NRXN3: variants seen among roughly 807,000 people sequenced by gnomAD.
The protein encoded by NRXN3 is neurexin III.
NRXN3 carries 32 observed loss-of-function variants against 137.6 expected under a neutral mutation model. That is an observed-to-expected ratio of 0.23 (90% CI 0.18 to 0.31). The LOEUF (loss-of-function observed/expected upper bound fraction) is 0.31. NRXN3 is among the 10% of genes least tolerant of loss of function. The probability of loss-of-function intolerance (pLI) is 1.00; values close to 1 mark genes in which losing one functional copy is unlikely to be tolerated. For missense variants in NRXN3, 1,574 were observed against 2,062.5 expected (o/e 0.76, Z 4.59); for synonymous variants, 798 against 784.5 (o/e 1.02, Z -0.29).
At position 78,408,551 on chromosome 14, in the gene NRXN3, A is replaced by G. The variant is rs76967920; in HGVS notation, c.757+110691A>G. ...CTTGCAACAAATTTTCCTTTACAAT[A>G]TCTTTACTCAGGGTGCCTTTCCTCT... On this transcript the variant is annotated intron_variant, in intron 4 of 20. Transcript: ENST00000335750. 5.0e-3 allele frequency among the ~76,000 whole-genome samples: 759 copies of G among 152,252 alleles called. 35 individuals are homozygous for G. The East Asian group carries it at 0.08, about 16-fold the overall frequency.
At chr14:79,773,553 T>A (rs2099086479) in intron 19 of NRXN3, among the ~76,000 whole-genome samples, 1 of 143,760 alleles carries the variant, frequency 7.0e-6, no homozygotes, top group South Asian at 2.2e-4. Flanking sequence ...CCGCATATTC[T>A]CACTCATAGG....
intron 4 of NRXN3, among the ~76,000 whole-genome samples, chr14:78,618,593 T>C (rs2097369094): frequency 6.6e-6 from 1 of 152,190 alleles, no homozygotes; most frequent in African/African-American, 2.4e-5. Context: ...ACGCTGAGCA[T>C]CAGGGCTGGA....
In NRXN3 at chr14:79,645,671, G is replaced by A. The variant is rs915966858; in HGVS notation, c.3445-18107G>A. Among the ~76,000 whole-genome samples, 3 of 132,918 alleles carry A rather than the reference G, an allele frequency of 2.3e-5. 1 individual carries two copies. The highest frequency in any genetic ancestry group is 2.4e-4 in the South Asian group (1 of 4,200). 87.2% of individuals were successfully genotyped at this position (132,918 alleles called of 152,430 possible). ...GTATTAATGCCTGGTATAATACCTC[G>A]CACACAGAAGGTGTTCCATATATGC... On this transcript the variant is annotated intron_variant, in intron 16 of 20. Transcript: ENST00000335750.
At chr14:79,078,462 C>A (rs2046348145) in intron 15 of NRXN3, among the ~76,000 whole-genome samples, 1 of 152,224 alleles carries the variant, frequency 6.6e-6, no homozygotes, top group Non-Finnish European at 1.5e-5. Flanking sequence ...GCTCTGCATA[C>A]ATTCCAGAAC....
intron 19 of NRXN3, among the ~76,000 whole-genome samples, chr14:79,754,186 A>G (rs2099009380): frequency 2.6e-5 from 4 of 151,664 alleles, no homozygotes; most frequent in Admixed American, 2.0e-4. Flanking sequence ...AAAAACAAAA[A>G]CAAAAATTAT....
intron 15 of NRXN3, among the ~76,000 whole-genome samples, chr14:79,061,510 A>G (rs915573249): frequency 6.6e-6 from 1 of 152,234 alleles, no homozygotes; most frequent in Non-Finnish European, 1.5e-5. Flanking sequence ...GTAGTGAATG[A>G]AGCCATAGTG....
At chr14:79,410,192 C>T (rs1445899965) in intron 15 of NRXN3, among the ~76,000 whole-genome samples, 1 of 151,602 alleles carries the variant, frequency 6.6e-6, no homozygotes, top group Non-Finnish European at 1.5e-5. Context: ...TTATTTGAGA[C>T]ACACACACAC....
At chr14:78,825,373 A>G (rs1224143763) in intron 10 of NRXN3, among the ~76,000 whole-genome samples, 5 of 152,182 alleles carry the variant, frequency 3.3e-5, no homozygotes, top group Non-Finnish European at 7.3e-5. Flanking sequence ...GATAGAAAGA[A>G]TGGAACCTTC....
At chr14:79,155,398 G>A (rs1367314436) in intron 15 of NRXN3, among the ~76,000 whole-genome samples, 3 of 151,682 alleles carry the variant, frequency 2.0e-5, no homozygotes, top group Admixed American at 6.6e-5. Flanking sequence ...AAAAAGGTAC[G>A]GTATTGTCAT....
intron 16 of NRXN3, among the ~76,000 whole-genome samples, chr14:79,565,710 A>G (rs2097544863): frequency 6.6e-6 from 1 of 152,088 alleles, no homozygotes; most frequent in African/African-American, 2.4e-5. Context: ...AATCTGGTAG[A>G]TTCTTTGAGG....
Position 78,618,490 on chromosome 14 carries a change from A to G in NRXN3, c.758-26630A>G, listed in dbSNP as rs149028477. Among the ~76,000 whole-genome samples, 131 of 152,312 alleles carry G rather than the reference A, an allele frequency of 8.6e-4. 1 individual carries two copies. The East Asian group carries it at 0.022, about 26-fold the overall frequency. ...TGTGCTGGAAGTTAGCTGAAGGGCA[A>G]TGTCAGCGCACCAGCTTTGAAATTA... On this transcript the variant is annotated intron_variant, in intron 4 of 20. Coordinates refer to ENST00000335750, the MANE Select transcript of NRXN3 (RefSeq NM_001330195.2).
intron 4 of NRXN3, among the ~76,000 whole-genome samples, chr14:78,419,958 C>T (rs1346939646): frequency 1.1e-4 from 4 of 37,408 alleles, no homozygotes; most frequent in Non-Finnish European, 2.3e-4. Flanking sequence ...CGCGCGCGCG[C>T]ACGCACACAC....
intron 1 of NRXN3, among the ~76,000 whole-genome samples, chr14:78,226,017 G>GTGTTT (rs2064606466): frequency 7.1e-6 from 1 of 141,230 alleles, no homozygotes; most frequent in African/African-American, 2.6e-5. Context: ...GTGTGTGTGT[G>GTGTTT]TTTTGAGATG....
intron 15 of NRXN3, among the ~76,000 whole-genome samples, chr14:79,160,655 T>G (rs1032375537): frequency 5.3e-5 from 8 of 151,884 alleles, no homozygotes; most frequent in Non-Finnish European, 1.5e-5. Flanking sequence ...TATCCCAGCT[T>G]TCAGTAATCT....
chr14:79,555,394 C>A (rs1055011492), intron 16 of NRXN3, among the ~76,000 whole-genome samples: 2 of 152,054 alleles, frequency 1.3e-5, no homozygotes, highest in African/African-American at 4.8e-5. Context: ...CCCTAATAAC[C>A]AGTAGCATTT....
intron 4 of NRXN3, among the ~76,000 whole-genome samples, chr14:78,599,043 G>A (rs2152429340): frequency 6.6e-6 from 1 of 152,346 alleles, no homozygotes; most frequent in Non-Finnish European, 1.5e-5. Context: ...AATAATACAA[G>A]AGGATTAATT....
At chr14:79,186,260 A>AT (rs3035638) in intron 15 of NRXN3, among the ~76,000 whole-genome samples, 1 of 151,890 alleles carries the variant, frequency 6.6e-6, no homozygotes, top group Non-Finnish European at 1.5e-5. Flanking sequence ...TGAAAAAAAA[A>AT]GGTGTTTCTT....
chr14:79,225,333 ACT>A (rs1478168680), intron 15 of NRXN3, among the ~76,000 whole-genome samples: 1 of 151,692 alleles, frequency 6.6e-6, no homozygotes, highest in African/African-American at 2.4e-5. Context: ...GAAGGAAGCA[ACT>A]CTCCCTGATC....
chr14:79,516,268 A>G (rs1005852525), intron 16 of NRXN3, among the ~76,000 whole-genome samples: 1 of 152,230 alleles, frequency 6.6e-6, no homozygotes, highest in Admixed American at 6.5e-5. Context: ...GCAATAAGCC[A>G]CTTGAATTAG....
Sources: gnomAD v4.1 joint callset for allele counts (sites outside exome capture counted in the v4.1 genomes callset) on GRCh38, gnomAD v4.1.1 for gene constraint, MANE v1.5 for transcripts, NCBI Gene and HGNC (gene_info 2026-07-23, HGNC 2026-07-21) for gene names.